Variants in GRIK4 observed in about 807,000 individuals in gnomAD.
GRIK4 encodes glutamate ionotropic receptor kainate type subunit 4.
A neutral mutation model predicts 104.9 loss-of-function variants in GRIK4; 40 were observed. The ratio of observed to expected loss-of-function variants is 0.38; its 90% CI spans 0.30 to 0.50. The LOEUF (loss-of-function observed/expected upper bound fraction) is 0.50. GRIK4 is among the 20% of genes least tolerant of loss of function. GRIK4 has a pLI of 0.93. For missense variants in GRIK4, 1,047 were observed against 1,308.1 expected (o/e 0.80, Z 3.08); for synonymous variants, 485 against 524.9 (o/e 0.92, Z 1.04).
intron 3 of GRIK4, among the ~76,000 whole-genome samples, chr11:120,792,545 G>A (rs998396631): frequency 3.3e-5 from 5 of 152,048 alleles, no homozygotes; most frequent in Admixed American, 6.6e-5. Flanking sequence ...CAGTTAAGTC[G>A]TTGAGATGAA....
intron 3 of GRIK4, among the ~76,000 whole-genome samples, chr11:120,721,638 A>C (rs1950935174): frequency 6.6e-6 from 1 of 152,130 alleles, no homozygotes; most frequent in South Asian, 2.1e-4. Context: ...TATAGGTGCC[A>C]TCCTAGTTGT....
chr11:120,588,097 G>C (rs1948691150), intron 1 of GRIK4, among the ~76,000 whole-genome samples: 1 of 152,174 alleles, frequency 6.6e-6, no homozygotes, highest in South Asian at 2.1e-4. Flanking sequence ...CAGGAGGGCA[G>C]GTGTGTGGGC....
chr11:120,560,317 G>A (rs1948225631), intron 1 of GRIK4, among the ~76,000 whole-genome samples: 1 of 152,016 alleles, frequency 6.6e-6, no homozygotes, highest in South Asian at 2.1e-4. Flanking sequence ...CTCCCAAAGT[G>A]CTAGGATTAC....
At chr11:120,730,408 G>A (rs2135390415) in intron 3 of GRIK4, among the ~76,000 whole-genome samples, 1 of 152,150 alleles carries the variant, frequency 6.6e-6, no homozygotes, top group East Asian at 1.9e-4. Context: ...ATTTTTGTCT[G>A]GGTTGTCAAT....
intron 13 of GRIK4, among the ~76,000 whole-genome samples, chr11:120,908,351 A>G (rs1273763981): frequency 3.3e-5 from 5 of 152,096 alleles, no homozygotes; most frequent in Admixed American, 6.6e-5. Flanking sequence ...ACATTATTTT[A>G]TCCTTTCCAC....
At chr11:120,512,217 G>A (rs1225235913) in intron 1 of GRIK4, among the ~76,000 whole-genome samples, 6 of 151,428 alleles carry the variant, frequency 4.0e-5, no homozygotes, top group Non-Finnish European at 2.9e-5. Context: ...CCGGGCTCGC[G>A]GTCCTCCCGC....
chr11:120,935,695 C>A (rs73007856), intron 13 of GRIK4, among the ~76,000 whole-genome samples: 4 of 152,296 alleles, frequency 2.6e-5, no homozygotes, highest in Non-Finnish European at 5.9e-5. Flanking sequence ...GTGTAAGCTT[C>A]ATCGGAGTCA....
At chr11:120,829,254 G>A (rs1953359349) in intron 6 of GRIK4, among the ~76,000 whole-genome samples, 1 of 152,138 alleles carries the variant, frequency 6.6e-6, no homozygotes. Flanking sequence ...CTTGTTAAGA[G>A]TGTCTTTTGG....
chr11:120,922,193 A>G (rs540522198), intron 13 of GRIK4, among the ~76,000 whole-genome samples: 1 of 152,352 alleles, frequency 6.6e-6, no homozygotes, highest in South Asian at 2.1e-4. Context: ...ACAACATTAC[A>G]AGGGCAAAAG....
intron 6 of GRIK4, among the ~76,000 whole-genome samples, chr11:120,824,354 T>C (rs1298543411): frequency 6.6e-6 from 1 of 152,080 alleles, no homozygotes; most frequent in Non-Finnish European, 1.5e-5. Flanking sequence ...AGTTGGCTAC[T>C]GGGGGGCTTC....
chr11:120,597,276 G>A (rs549052865), intron 1 of GRIK4, among the ~76,000 whole-genome samples: 58 of 152,284 alleles, frequency 3.8e-4, no homozygotes, highest in African/African-American at 1.2e-3. Context: ...GCTGGGTGAC[G>A]GGGCAAGTGC....
intron 1 of GRIK4, among the ~76,000 whole-genome samples, chr11:120,634,721 G>A (rs756682075): frequency 6.6e-5 from 10 of 152,230 alleles, no homozygotes; most frequent in Middle Eastern, 3.4e-3. Context: ...AACGGAGTCC[G>A]GAGACAGTGG....
chr11:120,595,947 A>G (rs1319433094), intron 1 of GRIK4, among the ~76,000 whole-genome samples: 5 of 152,194 alleles, frequency 3.3e-5, no homozygotes, highest in Non-Finnish European at 7.3e-5. Context: ...CCCGGGTTCA[A>G]GCGATTCTTG....
intron 1 of GRIK4, among the ~76,000 whole-genome samples, chr11:120,596,387 G>A (rs1948801779): frequency 6.6e-6 from 1 of 152,322 alleles, no homozygotes; most frequent in South Asian, 2.1e-4. Context: ...GGGAAAAGAG[G>A]CTGTGGGAAC....
chr11:120,959,029 A>T (rs965439611), intron 16 of GRIK4, among the ~76,000 whole-genome samples: 2 of 151,870 alleles, frequency 1.3e-5, no homozygotes, highest in African/African-American at 4.8e-5. Context: ...CAGCCAGGTG[A>T]TTTTCATCCC....
chr11:120,673,980 C>T (rs1032819842), intron 3 of GRIK4, among the ~76,000 whole-genome samples: 6 of 152,168 alleles, frequency 3.9e-5, no homozygotes, highest in African/African-American at 7.2e-5. Context: ...CTGTGCCTAC[C>T]GTTCTAGCTC....
intron 1 of GRIK4, among the ~76,000 whole-genome samples, chr11:120,574,280 T>C (rs1387319309): frequency 6.6e-6 from 1 of 152,194 alleles, no homozygotes; most frequent in East Asian, 1.9e-4. Context: ...CTGGGCTGGA[T>C]GGTCCTCCTT....
At chr11:120,557,750 C>T (rs1483526784) in intron 1 of GRIK4, among the ~76,000 whole-genome samples, 1 of 152,206 alleles carries the variant, frequency 6.6e-6, no homozygotes. Context: ...GGCGCGGTGG[C>T]TCACGCCTGT....
intron 1 of GRIK4, among the ~76,000 whole-genome samples, chr11:120,629,019 C>A (rs1312523636): frequency 1.3e-5 from 2 of 152,154 alleles, no homozygotes; most frequent in African/African-American, 4.8e-5. Context: ...CCGAGCAAGG[C>A]GGCAGAAGGA....
Sources: allele counts gnomAD v4.1 joint callset (sites outside exome capture counted in the v4.1 genomes callset), GRCh38; gene constraint gnomAD v4.1.1; transcripts MANE v1.5; gene names NCBI Gene and HGNC (gene_info 2026-07-23, HGNC 2026-07-21).